NCOR1: variants seen among roughly 807,000 people sequenced by gnomAD.
The protein encoded by NCOR1 is protein phosphatase 1, regulatory subunit 109.
In NCOR1, 63 loss-of-function variants were observed where a neutral mutation model predicts 288.1. The observed-to-expected ratio is 0.22, with a 90% CI of 0.18 to 0.27. The LOEUF is 0.27. NCOR1 is among the 10% of genes least tolerant of loss of function. The probability of loss-of-function intolerance (pLI) is 1.00; values close to 1 mark genes in which losing one functional copy is unlikely to be tolerated. For synonymous variants in NCOR1, 1,007 were observed against 1,065.9 expected (o/e 0.94, Z 1.08); for missense variants, 2,397 against 3,019.2 (o/e 0.79, Z 4.83).
intron 42 of NCOR1, among the ~76,000 whole-genome samples, chr17:16,042,985 A>G (rs896115208): frequency 6.6e-6 from 1 of 152,164 alleles, no homozygotes; most frequent in Non-Finnish European, 1.5e-5. Context: ...ATGAGGAGAA[A>G]GGGGCTAAGA....
At chr17:16,201,966 C>T (rs535877876) in intron 1 of NCOR1, among the ~76,000 whole-genome samples, 2 of 152,024 alleles carry the variant, frequency 1.3e-5, no homozygotes, top group South Asian at 2.1e-4. Flanking sequence ...GTGGCTCACG[C>T]CTGTCATTCC....
At chr17:16,087,056 T>G in intron 22 of NCOR1, 2 of 747,302 alleles carry the variant, frequency 2.7e-6, no homozygotes, top group East Asian at 1.3e-4. Flanking sequence ...ACAAAGTCAT[T>G]CTGAAACAGC....
intron 10 of NCOR1, among the ~76,000 whole-genome samples, chr17:16,143,998 T>A (rs2077504624): frequency 6.6e-6 from 1 of 152,214 alleles, no homozygotes; most frequent in Non-Finnish European, 1.5e-5. Flanking sequence ...GCATTCTTTG[T>A]ATGCCCTGTA....
intron 41 of NCOR1, among the ~76,000 whole-genome samples, chr17:16,048,609 T>C (rs980413920): frequency 4.6e-5 from 7 of 152,124 alleles, no homozygotes; most frequent in African/African-American, 1.7e-4. Context: ...AAGATTTAAT[T>C]TCAAGAATAA....
At chr17:16,170,621 T>C in intron 4 of NCOR1, among the ~76,000 whole-genome samples, 1 of 151,512 alleles carries the variant, frequency 6.6e-6, no homozygotes, top group East Asian at 1.9e-4. Context: ...GATCACGAGG[T>C]CAGGAGTTCA....
chr17:16,154,503 G>A (rs990185129), intron 6 of NCOR1, among the ~76,000 whole-genome samples: 1 of 152,134 alleles, frequency 6.6e-6, no homozygotes, highest in African/African-American at 2.4e-5. Context: ...TGGGGCTTGA[G>A]GTAACAGTGT....
chr17:16,200,534 C>T (rs1284807266), intron 1 of NCOR1, among the ~76,000 whole-genome samples: 1 of 135,414 alleles, frequency 7.4e-6, no homozygotes, highest in Non-Finnish European at 1.6e-5. Flanking sequence ...TAAAAATATA[C>T]TTCACTGTGG....
At chr17:16,209,746 G>A (rs1291427231) in intron 1 of NCOR1, among the ~76,000 whole-genome samples, 1 of 151,754 alleles carries the variant, frequency 6.6e-6, no homozygotes, top group African/African-American at 2.4e-5. Flanking sequence ...GAGGTCAGGA[G>A]TTCAAGATCA....
intron 15 of NCOR1, 89 bp downstream of exon 15, chr17:16,125,993 T>C (rs1042381790): frequency 4.4e-6 from 3 of 679,316 alleles, no homozygotes; most frequent in African/African-American, 3.7e-5. Context: ...AATATATCCA[T>C]GTGACAACTG....
intron 5 of NCOR1, among the ~76,000 whole-genome samples, chr17:16,161,423 T>C (rs1044704619): frequency 1.3e-5 from 2 of 152,012 alleles, no homozygotes; most frequent in Non-Finnish European, 2.9e-5. Flanking sequence ...CCAAGTAGAG[T>C]AGCTGGGATT....
chr17:16,139,216 A>G (rs949852286), intron 11 of NCOR1, 30 bp from the exon 12 acceptor site: 2 of 1,590,908 alleles, frequency 1.3e-6, no homozygotes, highest in Non-Finnish European at 8.6e-7. Context: ...TACTTAGAAT[A>G]AAACATAAAC....
chr17:16,138,142 G>A lies in NCOR1; in HGVS notation c.1407+16C>T. 1 of 1,604,532 alleles carries A rather than the reference G, an allele frequency of 6.2e-7. No homozygotes were observed. ...TCACAAACCTACAAACACTCCCAATGCAAACCATGTCTTACCTTCCTCTCC... is the reference window on the plus strand; with the variant it reads ...TCACAAACCTACAAACACTCCCAATACAAACCATGTCTTACCTTCCTCTCC... On this transcript the variant is annotated intron_variant, in intron 13 of 45. Transcript: ENST00000268712.
chr17:16,166,661 C>T (rs1264519399), intron 4 of NCOR1, among the ~76,000 whole-genome samples: 1 of 151,066 alleles, frequency 6.6e-6, no homozygotes, highest in African/African-American at 2.4e-5. Context: ...GCATGGGTGA[C>T]AGAGCAAGAC....
intron 1 of NCOR1, among the ~76,000 whole-genome samples, chr17:16,210,532 T>C (rs1049930437): frequency 6.6e-6 from 1 of 152,146 alleles, no homozygotes. Flanking sequence ...ACATTTTTGT[T>C]TAAGAAGCTA....
At chr17:16,059,369 A>C (rs1186764763) in intron 37 of NCOR1, among the ~76,000 whole-genome samples, 1 of 152,210 alleles carries the variant, frequency 6.6e-6, no homozygotes, top group Admixed American at 6.5e-5. Context: ...TAAATGGAGT[A>C]TTGCTAACAA....
At chr17:16,207,841 C>CA (rs2153607271) in intron 1 of NCOR1, among the ~76,000 whole-genome samples, 1 of 151,630 alleles carries the variant, frequency 6.6e-6, no homozygotes, top group East Asian at 1.9e-4. Flanking sequence ...TAAAAACAGC[C>CA]AAACAGCCCA....
chr17:16,034,881 G>T lies in NCOR1; in HGVS notation c.7019C>A (p.Pro2340His). The T allele has an allele frequency of 1.2e-6, 2 of 1,614,064 alleles. No individual in the cohort carries two copies. The highest frequency in any genetic ancestry group is 2.2e-5 in the East Asian group (1 of 44,868). ...TTCCGTTCCTAAGTAGCCTTGCCCA[G>T]GTATAGGAGACTTAGATTTCCTGCT... Reference protein sequence around the residue: ...SNSRKSKSPIPGQGYLGTERP... With the variant: ...SNSRKSKSPIHGQGYLGTERP... The change falls in exon 45 of 46, where the codon CCT becomes CAT. Residue 2340 changes from proline to histidine, a missense_variant. Pro to His is a moderately conservative substitution (Grantham distance 77, BLOSUM62 -2). This residue lies in a region of NCOR1 where 1,872 missense variants were observed against 2,187.8 expected (regional missense o/e 0.86). Coordinates refer to ENST00000268712, the MANE Select transcript of NCOR1 (RefSeq NM_006311.4).
At chr17:16,157,100 T>C (rs2079937700) in intron 6 of NCOR1, among the ~76,000 whole-genome samples, 2 of 152,006 alleles carry the variant, frequency 1.3e-5, no homozygotes, top group African/African-American at 2.4e-5. Flanking sequence ...CCCACAAAAG[T>C]GTTTTGCAGC....
At chr17:16,100,314 T>C (rs1022873152) in intron 20 of NCOR1, among the ~76,000 whole-genome samples, 5 of 152,242 alleles carry the variant, frequency 3.3e-5, no homozygotes, top group African/African-American at 1.2e-4. Flanking sequence ...TGATACATTT[T>C]TTGTATAATT....
Sources: allele counts gnomAD v4.1 joint callset (sites outside exome capture counted in the v4.1 genomes callset), GRCh38; gene constraint gnomAD v4.1.1; regional missense constraint gnomAD v4.1.1; transcripts MANE v1.5; gene names NCBI Gene and HGNC (gene_info 2026-07-23, HGNC 2026-07-21).